The following DPYD variants were observed in gnomAD, a reference collection of about 807,000 sequenced individuals.
DPYD encodes dihydropyrimidine dehydrogenase [NADP(+)].
In DPYD, 109 loss-of-function variants were observed where a neutral mutation model predicts 116.2. The ratio of observed to expected loss-of-function variants is 0.94; its 90% CI spans 0.80 to 1.10. The LOEUF is 1.10. DPYD is among the 50% of genes least tolerant of loss of function. DPYD has a pLI of 0.00. For missense variants in DPYD, 1,302 were observed against 1,254.5 expected, an observed-to-expected ratio of 1.04 and a Z score of -0.57; for synonymous variants, 440 against 432.0, an observed-to-expected ratio of 1.02 and a Z score of -0.23.
intron 18 of DPYD, among the ~76,000 whole-genome samples, chr1:97,264,910 G>C (rs926717173): frequency 2.6e-5 from 4 of 152,118 alleles, no homozygotes; most frequent in Non-Finnish European, 5.9e-5. Context: ...TGTTTTCAGA[G>C]AAATGTTATT....
intron 15 of DPYD, among the ~76,000 whole-genome samples, chr1:97,378,460 G>C (rs955567441): frequency 8.5e-5 from 13 of 152,164 alleles, no homozygotes; most frequent in Non-Finnish European, 1.9e-4. Flanking sequence ...GCCAGGAATA[G>C]TGTGGTCACT....
chr1:97,229,589 TAC>T (rs1401449794), intron 19 of DPYD, among the ~76,000 whole-genome samples: 51 of 136,382 alleles, frequency 3.7e-4, no homozygotes, highest in Non-Finnish European at 6.4e-4. Context: ...TATATATATA[TAC>T]TGATTTTAAT....
At chr1:97,876,453 C>T (rs1367847677) in intron 2 of DPYD, among the ~76,000 whole-genome samples, 1 of 151,984 alleles carries the variant, frequency 6.6e-6, no homozygotes, top group Non-Finnish European at 1.5e-5. Flanking sequence ...AGCTTCCCAA[C>T]ATGGGGTTCC....
Position 97,709,530 on chromosome 1 carries a change from G to T in DPYD, c.484-9983C>A, listed in dbSNP as rs558703191. Among the ~76,000 whole-genome samples the T allele has an allele frequency of 2.6e-5, 4 of 151,734 alleles. No homozygotes were observed. The South Asian group carries it at 8.3e-4, about 31-fold the overall frequency. ...CTCATCTTTCATTCATCTAGAAAGT[G>T]CATGTATTTCACCACTCCAAATTGA... On this transcript the variant is annotated intron_variant, in intron 5 of 22. Coordinates refer to ENST00000370192, the MANE Select transcript of DPYD (RefSeq NM_000110.4).
At chr1:97,536,667 A>G (rs1650022164) in intron 12 of DPYD, among the ~76,000 whole-genome samples, 1 of 152,192 alleles carries the variant, frequency 6.6e-6, no homozygotes, top group Non-Finnish European at 1.5e-5. Context: ...CCTGGCTAGG[A>G]GATTTGCAAC....
At chr1:97,160,447 G>A (rs1055126418) in intron 20 of DPYD, among the ~76,000 whole-genome samples, 2 of 151,942 alleles carry the variant, frequency 1.3e-5, no homozygotes, top group African/African-American at 2.4e-5. Context: ...TGAACAACTC[G>A]TTAATATACT....
chr1:97,755,537 T>A (rs1165299901), intron 3 of DPYD, among the ~76,000 whole-genome samples: 1 of 152,140 alleles, frequency 6.6e-6, no homozygotes, highest in East Asian at 1.9e-4. Flanking sequence ...TGAGTCTGCT[T>A]CACAGAGCTC....
chr1:97,812,177 C>CA (rs1316443736), intron 3 of DPYD, among the ~76,000 whole-genome samples: 2 of 152,178 alleles, frequency 1.3e-5, no homozygotes, highest in Admixed American at 1.3e-4. Flanking sequence ...TAAATACTTT[C>CA]AAAAAACCAC....
At chr1:97,178,150 A>G (rs1362631133) in intron 20 of DPYD, among the ~76,000 whole-genome samples, 1 of 152,172 alleles carries the variant, frequency 6.6e-6, no homozygotes, top group African/African-American at 2.4e-5. Context: ...TTATGGAAAG[A>G]AAGGCTATGT....
chr1:97,572,470 T>C (rs1224270329), intron 11 of DPYD, among the ~76,000 whole-genome samples: 2 of 151,948 alleles, frequency 1.3e-5, no homozygotes, highest in African/African-American at 4.8e-5. Context: ...TTTAAATAGT[T>C]AAGCTAACCT....
intron 20 of DPYD, among the ~76,000 whole-genome samples, chr1:97,152,285 G>A (rs1005047817): frequency 2.0e-5 from 3 of 152,152 alleles, no homozygotes; most frequent in African/African-American, 7.2e-5. Context: ...CGAGATTTAA[G>A]AGTTCAAGAG....
intron 12 of DPYD, among the ~76,000 whole-genome samples, chr1:97,537,821 TG>T (rs1387263738): frequency 6.6e-6 from 1 of 152,138 alleles, no homozygotes; most frequent in East Asian, 1.9e-4. Context: ...ATTGAAGAAA[TG>T]GAAGACATGA....
chr1:97,650,222 C>T (rs1397164803), intron 8 of DPYD, among the ~76,000 whole-genome samples: 1 of 152,116 alleles, frequency 6.6e-6, no homozygotes, highest in African/African-American at 2.4e-5. Flanking sequence ...AGGCTAGGAG[C>T]TCCTCTAGAA....
At chr1:97,490,826 C>T (rs1570826199) in intron 13 of DPYD, among the ~76,000 whole-genome samples, 2 of 117,708 alleles carry the variant, frequency 1.7e-5, no homozygotes, top group African/African-American at 6.5e-5. Flanking sequence ...AAATGTAATG[C>T]TAAAAAAAAA....
At chr1:97,742,773 A>T (rs1399164457) in intron 3 of DPYD, among the ~76,000 whole-genome samples, 1 of 152,138 alleles carries the variant, frequency 6.6e-6, no homozygotes, top group Non-Finnish European at 1.5e-5. Flanking sequence ...GTCGCAATAC[A>T]AAATAGCTAA....
At chr1:97,153,969 T>G (rs1655227106) in intron 20 of DPYD, among the ~76,000 whole-genome samples, 1 of 106,330 alleles carries the variant, frequency 9.4e-6, no homozygotes, top group African/African-American at 3.9e-5. Context: ...AGAATGGCCA[T>G]GATCAAAAAA....
chr1:97,467,336 A>C (rs578117597), intron 13 of DPYD, among the ~76,000 whole-genome samples: 1 of 152,330 alleles, frequency 6.6e-6, no homozygotes, highest in South Asian at 2.1e-4. Flanking sequence ...AAATTTCAAA[A>C]CAAAGCTTCT....
intron 2 of DPYD, among the ~76,000 whole-genome samples, chr1:97,871,729 A>C (rs1028749683): frequency 6.6e-6 from 1 of 151,778 alleles, no homozygotes; most frequent in African/African-American, 2.4e-5. Context: ...TCTGGGCAAT[A>C]GAGGAAATAT....
intron 2 of DPYD, among the ~76,000 whole-genome samples, chr1:97,866,678 C>T (rs1163307012): frequency 1.3e-5 from 2 of 151,726 alleles, no homozygotes; most frequent in African/African-American, 4.8e-5. Flanking sequence ...AAAATGTAGT[C>T]AGGAGTAATA....
Sources: gnomAD v4.1 joint callset for allele counts (sites outside exome capture counted in the v4.1 genomes callset) on GRCh38, gnomAD v4.1.1 for gene constraint, MANE v1.5 for transcripts, NCBI Gene and HGNC (gene_info 2026-07-23, HGNC 2026-07-21) for gene names.